Variants in MEI1 observed in about 807,000 individuals in gnomAD.
MEI1 encodes the protein meiosis inhibitor protein 1.
Under a neutral mutation model 146.2 loss-of-function variants are expected in MEI1, and 103 were observed. The observed-to-expected ratio is 0.70, with a 90% confidence interval of 0.60 to 0.83. The LOEUF (loss-of-function observed/expected upper bound fraction) is 0.83, where lower values mean the gene tolerates loss of function less well. MEI1 is among the 40% of genes least tolerant of loss of function. MEI1 has a pLI of 0.00. For synonymous variants in MEI1, 652 were observed against 628.2 expected, an observed-to-expected ratio of 1.04 and a Z score of -0.57; for missense variants, 1,529 against 1,533.0, an observed-to-expected ratio of 1.00 and a Z score of 0.04.
intron 21 of MEI1, among the ~76,000 whole-genome samples, chr22:41,777,619 G>T (rs2075520454): frequency 6.6e-6 from 1 of 152,200 alleles, no homozygotes; most frequent in Non-Finnish European, 1.5e-5. Flanking sequence ...ACCTTAAGAT[G>T]TAGTGGAAAC....
At chr22:41,756,444 A>C (rs949068214) in intron 17 of MEI1, among the ~76,000 whole-genome samples, 1 of 150,848 alleles carries the variant, frequency 6.6e-6, no homozygotes, top group Non-Finnish European at 1.5e-5. Context: ...CCTTTATTCA[A>C]ATTTTAAACT....
intron 19 of MEI1, among the ~76,000 whole-genome samples, chr22:41,769,436 G>A (rs1430028057): frequency 1.3e-5 from 2 of 151,414 alleles, no homozygotes; most frequent in African/African-American, 4.8e-5. Context: ...AGACCTAAAT[G>A]AGCCAAAACT....
At chr22:41,712,725 C>T (rs945363128) in intron 3 of MEI1, among the ~76,000 whole-genome samples, 1 of 145,032 alleles carries the variant, frequency 6.9e-6, no homozygotes. Flanking sequence ...TATATATTCA[C>T]ATTAAACAAA....
intron 26 of MEI1, 72 bp downstream of exon 26, chr22:41,784,855 C>G: frequency 8.0e-7 from 1 of 1,254,208 alleles, no homozygotes; most frequent in African/African-American, 1.5e-5. Flanking sequence ...CTGTCGAGAG[C>G]CTGATACTCC....
chr22:41,707,798 C>T (rs1036749018), intron 3 of MEI1, among the ~76,000 whole-genome samples: 7 of 152,162 alleles, frequency 4.6e-5, no homozygotes, highest in East Asian at 3.9e-4. Context: ...TTCTAGTGCT[C>T]ATTATTGGCA....
intron 26 of MEI1, among the ~76,000 whole-genome samples, chr22:41,789,008 A>G (rs2076082406): frequency 6.6e-6 from 1 of 152,154 alleles, no homozygotes; most frequent in African/African-American, 2.4e-5. Flanking sequence ...AGCTAATTTT[A>G]AAATACTTTT....
chr22:41,760,727 A>G (rs929534636), intron 18 of MEI1, among the ~76,000 whole-genome samples: 2 of 152,186 alleles, frequency 1.3e-5, no homozygotes, highest in Non-Finnish European at 2.9e-5. Flanking sequence ...AAGGGTCGTG[A>G]TTGATTTGAG....
At chr22:41,768,506 C>T (rs1476701176) in intron 19 of MEI1, among the ~76,000 whole-genome samples, 4 of 152,036 alleles carry the variant, frequency 2.6e-5, no homozygotes, top group African/African-American at 7.2e-5. Flanking sequence ...AGTCAGTTCT[C>T]GCATTCTTAT....
At chr22:41,734,694 A>G (rs2072172342) in intron 11 of MEI1, among the ~76,000 whole-genome samples, 1 of 151,572 alleles carries the variant, frequency 6.6e-6, no homozygotes, top group Non-Finnish European at 1.5e-5. Context: ...CTGGAGTGCA[A>G]TGGTGTGATC....
chr22:41,707,688 T>TATGAATGGGAAGACTTAC (rs2069199236), intron 3 of MEI1, among the ~76,000 whole-genome samples: 1 of 151,928 alleles, frequency 6.6e-6, no homozygotes, highest in Non-Finnish European at 1.5e-5. Context: ...GGAAGACTTA[T>TATGAATGGGAAGACTTAC]ATGAATGGGA....
chr22:41,715,973 A>C, intron 4 of MEI1, 68 bp from the exon 5 acceptor site: 1 of 1,160,766 alleles, frequency 8.6e-7, no homozygotes, highest in Non-Finnish European at 1.2e-6. Flanking sequence ...GGGTAGGGAA[A>C]GATCAGTTTT....
intron 1 of MEI1, among the ~76,000 whole-genome samples, chr22:41,701,299 C>T (rs1198703878): frequency 6.6e-6 from 1 of 151,756 alleles, no homozygotes; most frequent in African/African-American, 2.4e-5. Flanking sequence ...GTCATATAGT[C>T]TCAAAAACTC....
intron 26 of MEI1, among the ~76,000 whole-genome samples, chr22:41,791,016 G>C (rs2076163093): frequency 6.6e-6 from 1 of 152,172 alleles, no homozygotes; most frequent in African/African-American, 2.4e-5. Context: ...CATTCCGGCA[G>C]GACAACAGCA....
intron 7 of MEI1, among the ~76,000 whole-genome samples, chr22:41,727,248 A>G (rs1315943054): frequency 1.3e-5 from 2 of 152,148 alleles, no homozygotes; most frequent in African/African-American, 2.4e-5. Context: ...AAAACCAGGT[A>G]TGCCCTCCAT....
chr22:41,793,603 A>T (rs2076268611), intron 26 of MEI1, among the ~76,000 whole-genome samples: 1 of 152,226 alleles, frequency 6.6e-6, no homozygotes, highest in South Asian at 2.1e-4. Context: ...TGCCTAGCCC[A>T]AAGCACTCTC....
At chr22:41,772,129 G>A (rs566807676) in intron 20 of MEI1, among the ~76,000 whole-genome samples, 1 of 152,274 alleles carries the variant, frequency 6.6e-6, no homozygotes, top group East Asian at 1.9e-4. Context: ...CTACAAACCT[G>A]TACAGCATGT....
intron 16 of MEI1, 77 bp from the exon 17 acceptor site, chr22:41,753,872 G>A (rs2073929995): frequency 3.0e-6 from 3 of 992,078 alleles, no homozygotes; most frequent in African/African-American, 1.6e-5. Context: ...TGGTGCCCAG[G>A]CATATGGCAG....
At chr22:41,793,032 CTTTTTTTTTTT>C (rs869223251) in intron 26 of MEI1, among the ~76,000 whole-genome samples, 21 of 48,452 alleles carry the variant, frequency 4.3e-4, no homozygotes, top group East Asian at 4.2e-3. Context: ...ACAAAGCATT[CTTTTTTTTTTT>C]TTTTTTTTTT....
Position 41,776,156 on chromosome 22 carries a change from A to C in MEI1, c.2599A>C (p.Arg867=), listed in dbSNP as rs967990577. ...DTAHKVLISL[R]TFLRRNEDIQ... The stretch of plus-strand genomic sequence containing the variant: ...AGCTCACAAGGTACTGATTAGCCTG[A>C]GGACCTTCCTGAGGAGGAATGAGGA... Residue 867 remains arginine, a synonymous_variant, in exon 21 of 31, where the codon AGG becomes CGG. Transcript: ENST00000401548. 1 of 1,613,980 alleles carries C rather than the reference A, an allele frequency of 6.2e-7. No individual in the cohort carries two copies. The highest frequency in any genetic ancestry group is 8.5e-7 in the Non-Finnish European group (1 of 1,179,868).
Sources: gnomAD v4.1 joint callset for allele counts (sites outside exome capture counted in the v4.1 genomes callset) on GRCh38, gnomAD v4.1.1 for gene constraint, MANE v1.5 for transcripts, NCBI Gene and HGNC (gene_info 2026-07-23, HGNC 2026-07-21) for gene names.